MAP7D1: variants seen among roughly 807,000 people sequenced by gnomAD.
MAP7D1 encodes MAP7 domain containing 1, also known as MAP7 domain-containing protein 1.
A neutral mutation model predicts 97.5 loss-of-function variants in MAP7D1; 30 were observed. That is an observed-to-expected ratio of 0.31 (90% confidence interval 0.23 to 0.42). The LOEUF (loss-of-function observed/expected upper bound fraction) is 0.42. MAP7D1 is among the 10% of genes least tolerant of loss of function. MAP7D1 has a pLI of 1.00. For synonymous variants in MAP7D1, 536 were observed against 477.1 expected (o/e 1.12, Z -1.61); for missense variants, 1,184 against 1,179.5 (o/e 1.00, Z -0.06).
At chr1:36,157,644 A>G (rs1003481207) in intron 1 of MAP7D1, among the ~76,000 whole-genome samples, 1 of 152,134 alleles carries the variant, frequency 6.6e-6, no homozygotes, top group Non-Finnish European at 1.5e-5. Context: ...CCACACCCCC[A>G]TGGAGTCCTG....
In MAP7D1 at chr1:36,177,921, G is replaced by A; in HGVS notation, c.1428G>A (p.Arg476=). 6.4e-7 allele frequency: 1 copy of A among 1,565,540 alleles called. No individual in the cohort carries two copies. The highest frequency in any genetic ancestry group is 8.7e-7 in the Non-Finnish European group (1 of 1,154,380). Residue 476 remains arginine (R), a synonymous_variant, in exon 9 of 17, where the codon AGG becomes AGA. Transcript: ENST00000474796. ...CCTCTCCCTCCACATCCTGGCACAG[G>A]CCTGCCTCCCCCTGCCCCAGCCCAG... ...RPSSPSTSWH[R]PASPCPSPGP...
intron 8 of MAP7D1, among the ~76,000 whole-genome samples, chr1:36,177,257 C>T (rs4652903): frequency 0.49 from 73,894 of 151,888 alleles, 18,782 homozygotes; most frequent in Non-Finnish European, 0.57. Flanking sequence ...CGCCCAGCCT[C>T]CATTTTTCTT....
rs762580688 is a variant in MAP7D1, at chr1:36,180,004, C to A, written c.2449C>A (p.Leu817Met). 1.9e-6 allele frequency: 3 copies of A among 1,614,218 alleles called. No homozygotes were observed. Among genetic ancestry groups the A allele is most frequent in the Non-Finnish European group, 2.5e-6 (3 of 1,180,034 alleles). Reference sequence around the variant, plus strand: ...TCTGAGCCGAACACCAGAGACACTCCTGCCCTTTGCAGAGGCAGAAGCCTT... The same window carrying A: ...TCTGAGCCGAACACCAGAGACACTCATGCCCTTTGCAGAGGCAGAAGCCTT... ...KSLSRTPETL[L>M]PFAEAEAFLK... The change falls in exon 16 of 17, where the codon CTG becomes ATG. Residue 817 changes from leucine (L) to methionine (M), a missense_variant. By Grantham distance (15) the Leu-to-Met change is conservative (BLOSUM62 2). Transcript: ENST00000474796.
chr1:36,158,027 G>T (rs1427077584), intron 1 of MAP7D1, among the ~76,000 whole-genome samples: 1 of 152,130 alleles, frequency 6.6e-6, no homozygotes, highest in African/African-American at 2.4e-5. Flanking sequence ...CTGAATGGGG[G>T]TGGTGACTGG....
chr1:36,174,861 G>A (rs761111501), intron 5 of MAP7D1, 37 bp from the exon 6 acceptor site: 17 of 1,365,746 alleles, frequency 1.2e-5, no homozygotes, highest in Middle Eastern at 1.8e-4. Flanking sequence ...GGCTCCTGCC[G>A]GGCCCGGCCC....
rs944636014 is a variant in MAP7D1, at chr1:36,159,319, G to C, written c.46+2856G>C. ...GATCTTCCCACCTTGGCCTCCCAAAGCGCTGGGATTACAGGCGTGAGCCAC... is the reference window on the plus strand; with the variant it reads ...GATCTTCCCACCTTGGCCTCCCAAACCGCTGGGATTACAGGCGTGAGCCAC... On this transcript the variant is annotated intron_variant, in intron 1 of 16. Coordinates refer to ENST00000474796, the MANE Select transcript of MAP7D1 (RefSeq NM_001388490.1). The surrounding 1 kb of genome is among the most constrained non-coding windows in gnomAD (Gnocchi z 5.4). Among the ~76,000 whole-genome samples, 2 of 152,140 alleles carry C rather than the reference G, an allele frequency of 1.3e-5. No individual in the cohort carries two copies. The highest frequency in any genetic ancestry group is 2.9e-5 in the Non-Finnish European group (2 of 68,030).
At chr1:36,174,042 C>T (rs1426545624) in intron 5 of MAP7D1, among the ~76,000 whole-genome samples, 1 of 152,288 alleles carries the variant, frequency 6.6e-6, no homozygotes, top group East Asian at 1.9e-4. Flanking sequence ...CCTTGTGTAC[C>T]TCAGTGAGGG....
At chr1:36,168,402 G>A (rs1407322371) in intron 1 of MAP7D1, among the ~76,000 whole-genome samples, 1 of 152,102 alleles carries the variant, frequency 6.6e-6, no homozygotes, top group Non-Finnish European at 1.5e-5. Flanking sequence ...ATGGGGATAA[G>A]AATCTCTGCC....
At position 36,172,604 on chromosome 1, in the gene MAP7D1, C is replaced by T. The variant is rs368982084; in HGVS notation, c.601C>T (p.Arg201Trp). The change falls in exon 4 of 17, where the codon CGG (arginine) becomes TGG (tryptophan). Residue 201 changes from arginine (R) to tryptophan (W), a missense_variant. By Grantham distance (101) the Arg-to-Trp change is moderately radical (BLOSUM62 -3). Coordinates refer to ENST00000474796, the MANE Select transcript of MAP7D1 (RefSeq NM_001388490.1). ...CCGTGCAGCCCTGGAGGAACGGCAGCGGCAGAAGCTCGAGAAAAACAAGGT... is the reference window on the plus strand; with the variant it reads ...CCGTGCAGCCCTGGAGGAACGGCAGTGGCAGAAGCTCGAGAAAAACAAGGT... ...QRRAALEERQ[R>W]QKLEKNKERY... The T allele has an allele frequency of 1.7e-4, 269 of 1,570,552 alleles. 1 individual carries two copies. The highest frequency in any genetic ancestry group is 1.2e-3 in the Middle Eastern group (7 of 5,892).
chr1:36,157,354 A>C, intron 1 of MAP7D1: 1 of 151,316 alleles, frequency 6.6e-6, no homozygotes, highest in Non-Finnish European at 1.5e-5. Context: ...AGGCTTTGAT[A>C]CCTCCCCCCT....
At chr1:36,173,247 A>G in intron 4 of MAP7D1, 117 bp from the exon 5 acceptor site, 1 of 737,988 alleles carries the variant, frequency 1.4e-6, no homozygotes, top group South Asian at 1.7e-5. Context: ...GAGTCAGGAA[A>G]AGACTCCAAG....
Position 36,177,979 on chromosome 1 carries a change from T to C in MAP7D1, c.1486T>C (p.Ser496Pro). ...CCACACTCTGCCTCCAAAGCCACCG[T>C]CCCCCCGAGGCACCACTGCATCCCC... Reference protein sequence around the residue: ...PGHTLPPKPPSPRGTTASPKG... With the variant: ...PGHTLPPKPPPPRGTTASPKG... Residue 496 changes from serine to proline, a missense_variant, in exon 9 of 17, where the codon TCC (serine) becomes CCC (proline). By Grantham distance (74) the Ser-to-Pro change is moderately conservative. Transcript: ENST00000474796. 6.2e-7 allele frequency: 1 copy of C among 1,606,728 alleles called. No individual in the cohort carries two copies. The highest frequency in any genetic ancestry group is 8.5e-7 in the Non-Finnish European group (1 of 1,175,486).
At position 36,176,642 on chromosome 1, in the gene MAP7D1, G is replaced by A. The variant is rs550145; in HGVS notation, c.1234-55G>A. The stretch of plus-strand genomic sequence containing the variant: ...TGGGGACAGGCAGCCTGGAACTGGG[G>A]TACGCGGGCGCTGCTGACCTCTACT... On this transcript the variant is annotated intron_variant, in intron 7 of 16. Coordinates refer to ENST00000474796, the MANE Select transcript of MAP7D1 (RefSeq NM_001388490.1). This position sits in a 1 kb window ranked among gnomAD's most constrained non-coding sequence, Gnocchi z 6.1. 6 of 1,586,980 alleles carry A rather than the reference G, an allele frequency of 3.8e-6. No individual in the cohort carries two copies. In the East Asian group the frequency reaches 1.1e-4, roughly 30 times the overall value.
intron 8 of MAP7D1, chr1:36,177,433 T>C (rs559503052): frequency 1.6e-4 from 66 of 404,592 alleles, no homozygotes; most frequent in South Asian, 1.0e-3. Flanking sequence ...AAGGGGAGGA[T>C]TGCTTGAGCC....
intron 13 of MAP7D1, 77 bp downstream of exon 13, chr1:36,179,392 G>A: frequency 1.3e-6 from 2 of 1,589,470 alleles, no homozygotes; most frequent in East Asian, 4.5e-5. Flanking sequence ...GGCATCCATG[G>A]CCACGGAGAG....
At chr1:36,160,369 T>A (rs915959212) in intron 1 of MAP7D1, among the ~76,000 whole-genome samples, 1 of 152,182 alleles carries the variant, frequency 6.6e-6, no homozygotes, top group African/African-American at 2.4e-5. Context: ...TCCTCAGCAG[T>A]TGTAAGAGAT....
In MAP7D1 at chr1:36,171,536, C is replaced by T; in HGVS notation, c.415C>T (p.His139Tyr). The T allele has an allele frequency of 6.2e-7, 1 of 1,614,222 alleles. No individual in the cohort carries two copies. Among genetic ancestry groups the T allele is most frequent in the Non-Finnish European group, 8.5e-7 (1 of 1,180,038 alleles). ...AGAGGTGAAGAAGGCAGGAGAGAGA[C>T]ACAAGCTGGCAAAGGAGCGGCGAGA... ...KQEVKKAGERHKLAKERREER... is the reference protein window; with the variant it reads ...KQEVKKAGERYKLAKERREER... Residue 139 changes from histidine (H) to tyrosine (Y), a missense_variant, in exon 3 of 17, where the codon CAC (histidine) becomes TAC (tyrosine). By Grantham distance (83) the His-to-Tyr change is moderately conservative (BLOSUM62 2). Transcript: ENST00000474796.
At chr1:36,164,831 T>G (rs535534635) in intron 1 of MAP7D1, among the ~76,000 whole-genome samples, 65 of 152,332 alleles carry the variant, frequency 4.3e-4, no homozygotes, top group Non-Finnish European at 7.3e-4. Context: ...GTGAGAGGAC[T>G]TTGTAGTCAT....
rs1316184516 is a variant in MAP7D1, at chr1:36,176,781, C to G, written c.1318C>G (p.Arg440Gly). 1 of 1,600,882 alleles carries G rather than the reference C, an allele frequency of 6.2e-7. No homozygotes were observed. The highest frequency in any genetic ancestry group is 8.5e-7 in the Non-Finnish European group (1 of 1,174,822). Residue 440 changes from arginine to glycine, a missense_variant, in exon 8 of 17, where the codon CGC (arginine) becomes GGC (glycine). Physicochemically the swap from Arg to Gly is moderately radical, Grantham distance 125. Transcript: ENST00000474796. The surrounding 1 kb of genome is among the most constrained non-coding windows in gnomAD (Gnocchi z 6.1). ...AGCCCGGGAGCGCAGCCTCAAGAAG[C>G]GCCAGTCGCTGCCCGCCTCCCCACG... is the stretch of plus-strand genomic sequence containing the variant. ...ALARERSLKK[R>G]QSLPASPRAR...
Sources: allele counts gnomAD v4.1 joint callset (sites outside exome capture counted in the v4.1 genomes callset), GRCh38; gene constraint gnomAD v4.1.1; non-coding constraint Gnocchi (gnomAD v3.1); transcripts MANE v1.5; gene names NCBI Gene and HGNC (gene_info 2026-07-23, HGNC 2026-07-21).